Variants in PLEKHH1 observed in about 807,000 individuals in gnomAD.
PLEKHH1 encodes pleckstrin homology domain-containing family H member 1.
A neutral mutation model predicts 160.0 loss-of-function variants in PLEKHH1; 104 were observed. The ratio of observed to expected loss-of-function variants is 0.65; its 90% CI spans 0.55 to 0.76. PLEKHH1 has a LOEUF of 0.76. Ranked by LOEUF, PLEKHH1 falls within the 30% of genes least tolerant of loss-of-function variation. PLEKHH1 has a pLI of 0.00. For synonymous variants in PLEKHH1, 619 were observed against 678.4 expected (o/e 0.91, Z 1.36); for missense variants, 1,427 against 1,724.1 (o/e 0.83, Z 3.05).
chr14:67,562,267 G>A lies in PLEKHH1; in HGVS notation c.636G>A (p.Lys212=). 6.2e-7 allele frequency: 1 copy of A among 1,613,500 alleles called. No individual in the cohort carries two copies. Among genetic ancestry groups the A allele is most frequent in the Non-Finnish European group, 8.5e-7 (1 of 1,179,668 alleles). The change falls in exon 7 of 29, where the codon AAG becomes AAA. Residue 212 remains lysine, a synonymous_variant. Transcript: ENST00000329153. ...QDSGSQAQGL[K]AAVLAPSPGA... ...GTGGCTCCCAGGCCCAGGGTCTGAA[G>A]GCAGCTGTGCTTGCACCTTCCCCAG...
At chr14:67,586,175 A>G (rs1187444543) in intron 28 of PLEKHH1, 78 bp downstream of exon 28, 1 of 1,498,626 alleles carries the variant, frequency 6.7e-7, no homozygotes, top group Admixed American at 1.7e-5. Context: ...AACTGGGGTT[A>G]TGCTAGTGCT....
In PLEKHH1 at chr14:67,586,679, G is replaced by T. The variant is rs554493973; in HGVS notation, c.3934-395G>T. 3.8e-5 allele frequency: 21 copies of T among 554,200 alleles called. No individual in the cohort carries two copies. In the African/African-American group the frequency reaches 4.1e-4, roughly 11 times the overall value. The allele number at this position is 554,200 out of a possible 1,614,324, so 34.3% of individuals were successfully genotyped here. A position where few individuals can be genotyped will look rare whatever the true frequency, so the allele number is the denominator to read the frequency against. On this transcript the variant is annotated intron_variant, in intron 28 of 28. Transcript: ENST00000329153. ...TTCCTGACTCCCGTGTGATTAACTG[G>T]AAACCCTGTTGTTCTCCTTTTTAAT...
chr14:67,566,563 G>A (rs2035099388), intron 7 of PLEKHH1, among the ~76,000 whole-genome samples: 1 of 148,426 alleles, frequency 6.7e-6, no homozygotes, highest in Admixed American at 6.7e-5. Context: ...TGGGCAACAC[G>A]GCGAAACCCC....
At chr14:67,569,266 G>T (rs760951060) in intron 8 of PLEKHH1, 50 bp downstream of exon 8, 5 of 1,375,198 alleles carry the variant, frequency 3.6e-6, no homozygotes, top group Admixed American at 3.4e-5. Context: ...GGTGGGCAGG[G>T]TGGGCAAGCG....
rs763342321 is a variant in PLEKHH1, at chr14:67,583,845, C to T, written c.3531C>T (p.Pro1177=). 5.7e-5 allele frequency: 92 copies of T among 1,613,440 alleles called. No homozygotes were observed. Among genetic ancestry groups the T allele is most frequent in the Non-Finnish European group, 7.5e-5 (89 of 1,179,688 alleles). ...LLQQVLDRFH[P]RRYRHGAPAE... The stretch of plus-strand genomic sequence containing the variant: ...AGCAGGTCCTAGACAGGTTCCACCC[C>T]AGGCGCTATAGACATGGGGCCCCCG... The change falls in exon 25 of 29, where the codon CCC becomes CCT. Residue 1177 remains proline, a synonymous_variant. Transcript: ENST00000329153.
intron 1 of PLEKHH1, 71 bp from the exon 2 acceptor site, chr14:67,541,763 C>T (rs1055308045): frequency 5.6e-6 from 6 of 1,066,380 alleles, no homozygotes; most frequent in Non-Finnish European, 7.9e-6. Context: ...GGTCCCCTCC[C>T]GTTCTTTCCC....
chr14:67,568,345 CA>C (rs35744570), intron 7 of PLEKHH1, among the ~76,000 whole-genome samples: 15,735 of 152,010 alleles, frequency 0.1, 921 homozygotes, highest in East Asian at 0.23. Flanking sequence ...AACGTAGGAA[CA>C]AGAAAACCAA....
chr14:67,559,551 G>C, intron 4 of PLEKHH1, 57 bp from the exon 5 acceptor site: 13 of 1,256,522 alleles, frequency 1.0e-5, no homozygotes, highest in Non-Finnish European at 1.5e-5. Flanking sequence ...CCCACCTCCA[G>C]TCAGTCACTC....
chr14:67,539,697 A>G (rs1375641830), intron 1 of PLEKHH1, among the ~76,000 whole-genome samples: 1 of 152,186 alleles, frequency 6.6e-6, no homozygotes, highest in East Asian at 1.9e-4. Context: ...GGATGGGTAA[A>G]GAGCACAGAG....
rs200005227 is a variant in PLEKHH1 at position 67,562,661 on chromosome 14, C to T, written c.1030C>T (p.Arg344Cys). ...QPQVGHGHFG[R>C]VVNIETEAFS... ...CCAGGTGGGCCATGGGCACTTTGGCCGTGTGGTGAACATTGAGACTGAGGC... is the reference window on the plus strand; with the variant it reads ...CCAGGTGGGCCATGGGCACTTTGGCTGTGTGGTGAACATTGAGACTGAGGC... Residue 344 changes from arginine to cysteine, a missense_variant, in exon 7 of 29, where the codon CGT becomes TGT. By Grantham distance (180) the Arg-to-Cys change is radical. Around this residue, in one of 6 missense-constraint regions of PLEKHH1, gnomAD observed 831 missense variants for 929.2 expected, o/e 0.89. Transcript: ENST00000329153. 4.3e-5 allele frequency: 69 copies of T among 1,612,420 alleles called. No homozygotes were observed. Among genetic ancestry groups the T allele is most frequent in the African/African-American group, 1.6e-4 (12 of 74,910 alleles).
At chr14:67,586,188 G>A (rs1464915931) in intron 28 of PLEKHH1, 91 bp downstream of exon 28, 1 of 1,408,576 alleles carries the variant, frequency 7.1e-7, no homozygotes, top group Non-Finnish European at 1.0e-6. Flanking sequence ...CTAGTGCTCT[G>A]CAAGGGCCCT....
In PLEKHH1 at chr14:67,582,056, C is replaced by T. The variant is rs1391865581; in HGVS notation, c.3285-13C>T. 1 of 1,604,100 alleles carries T rather than the reference C, an allele frequency of 6.2e-7. No homozygotes were observed. Among genetic ancestry groups the T allele is most frequent in the Non-Finnish European group, 8.5e-7 (1 of 1,175,446 alleles). On this transcript the variant is annotated splice_polypyrimidine_tract_variant and intron_variant, in intron 23 of 28. Transcript: ENST00000329153. This position sits in a 1 kb window ranked among gnomAD's most constrained non-coding sequence, Gnocchi z 5.0. ...CCCTGCTGAGTCCTGGTTTCTTATT[C>T]TCTTCTTTGTAGGCTGTACTTTCGC...
chr14:67,559,531 C>T (rs2034736302), intron 4 of PLEKHH1, 77 bp from the exon 5 acceptor site: 3 of 1,009,478 alleles, frequency 3.0e-6, no homozygotes, highest in Admixed American at 4.0e-5. Context: ...CTTGGCCTTT[C>T]TTGGGGTTTC....
Position 67,587,722 on chromosome 14 carries a change from A to AT in PLEKHH1, c.*492dup, listed in dbSNP as rs2036235528. On this transcript the variant is annotated 3_prime_UTR_variant, in exon 29 of 29. Coordinates refer to ENST00000329153, the MANE Select transcript of PLEKHH1 (RefSeq NM_020715.3). ...GCCACCATGCCCGGCTAATTTTTGT[A>AT]TTTTTAGTAGAGACGGGGTTTCACC... 1 of 164,538 alleles carries AT rather than the reference A, an allele frequency of 6.1e-6. No individual in the cohort carries two copies. Among genetic ancestry groups the AT allele is most frequent in the Admixed American group, 6.0e-5 (1 of 16,686 alleles). 10.2% of individuals were successfully genotyped at this position (164,538 alleles called of 1,614,324 possible).
At position 67,562,448 on chromosome 14, in the gene PLEKHH1, C is replaced by T; in HGVS notation, c.817C>T (p.Leu273Phe). Residue 273 changes from leucine to phenylalanine, a missense_variant, in exon 7 of 29, where the codon CTT (leucine) becomes TTT (phenylalanine). Around this residue, in one of 6 missense-constraint regions of PLEKHH1, gnomAD observed 831 missense variants for 929.2 expected, o/e 0.89. Transcript: ENST00000329153. ...SPPHQPCMKL[L>F]TFRCSSASWG... Reference sequence around the variant, plus strand: ...TCCCCACCAGCCATGCATGAAGCTTCTTACCTTCAGATGTAGTTCAGCTTC... The same window carrying T: ...TCCCCACCAGCCATGCATGAAGCTTTTTACCTTCAGATGTAGTTCAGCTTC... The T allele has an allele frequency of 6.2e-7, 1 of 1,613,732 alleles. No homozygotes were observed. Among genetic ancestry groups the T allele is most frequent in the Non-Finnish European group, 8.5e-7 (1 of 1,179,620 alleles).
chr14:67,554,780 C>G (rs557747130), intron 2 of PLEKHH1, among the ~76,000 whole-genome samples: 2 of 152,304 alleles, frequency 1.3e-5, no homozygotes, highest in Non-Finnish European at 2.9e-5. Flanking sequence ...CAGCTTAGGT[C>G]TGGTCCCTGA....
At chr14:67,550,258 A>T (rs1268161688) in intron 2 of PLEKHH1, among the ~76,000 whole-genome samples, 1 of 151,912 alleles carries the variant, frequency 6.6e-6, no homozygotes, top group Non-Finnish European at 1.5e-5. Context: ...GCACCATCTC[A>T]GCTCACTGCT....
At chr14:67,537,368 A>AATAATAATAATG (rs1441049264) in intron 1 of PLEKHH1, among the ~76,000 whole-genome samples, 3 of 138,156 alleles carry the variant, frequency 2.2e-5, no homozygotes, top group Non-Finnish European at 3.1e-5. Flanking sequence ...TAATAATAAT[A>AATAATAATAATG]ATAATAATAA....
chr14:67,554,400 G>C (rs12891886), intron 2 of PLEKHH1, among the ~76,000 whole-genome samples: 27,591 of 152,148 alleles, frequency 0.18, 2,886 homozygotes, highest in East Asian at 0.28. Context: ...AGGAGGTTGG[G>C]CTGGAACTTG....
Sources: gnomAD v4.1 joint callset for allele counts (sites outside exome capture counted in the v4.1 genomes callset) on GRCh38, gnomAD v4.1.1 for gene constraint, gnomAD v4.1.1 regional missense constraint, Gnocchi (gnomAD v3.1) non-coding constraint, MANE v1.5 for transcripts, NCBI Gene and HGNC (gene_info 2026-07-23, HGNC 2026-07-21) for gene names.